The following PALS1 variants were observed in gnomAD, a reference collection of about 807,000 sequenced individuals.
PALS1 encodes protein PALS1.
A neutral mutation model predicts 78.9 loss-of-function variants in PALS1; 31 were observed. That is an observed-to-expected ratio of 0.39 (90% CI 0.30 to 0.53). The LOEUF (loss-of-function observed/expected upper bound fraction) is 0.53, where lower values mean the gene tolerates loss of function less well. Among genes scored for constraint, PALS1 ranks in the 20% least tolerant of loss-of-function variants. PALS1 has a pLI of 0.67. For missense variants in PALS1, 704 were observed against 826.5 expected (o/e 0.85, Z 1.82); for synonymous variants, 276 against 270.9 (o/e 1.02, Z -0.18).
chr14:67,301,997 T>C lies in PALS1; in HGVS notation c.680T>C (p.Val227Ala). 6.2e-7 allele frequency: 1 copy of C among 1,606,738 alleles called. No homozygotes were observed. Reference protein sequence around the residue: ...IQALLLAHDKVAEQEMQLEPI... With the variant: ...IQALLLAHDKAAEQEMQLEPI... ...GCACTTTTACTGGCCCACGATAAGG[T>C]TGCTGAGCAGGAAATGCAGCTAGAG... Residue 227 changes from valine to alanine, a missense_variant, in exon 6 of 15, where the codon GTT becomes GCT. By Grantham distance (64) the Val-to-Ala change is moderately conservative (BLOSUM62 0). Coordinates refer to ENST00000261681, the MANE Select transcript of PALS1 (RefSeq NM_022474.4).
At chr14:67,254,130 G>T (rs1595562213) in intron 1 of PALS1, 3 of 136,836 alleles carry the variant, frequency 2.2e-5, no homozygotes, top group East Asian at 4.4e-4. Context: ...CACTGTATTG[G>T]TTTTTTATTT....
At chr14:67,262,010 C>T (rs1046849799) in intron 1 of PALS1, among the ~76,000 whole-genome samples, 4 of 152,098 alleles carry the variant, frequency 2.6e-5, no homozygotes, top group Admixed American at 6.6e-5. Context: ...GTAACTAACA[C>T]AGCACTGTGG....
intron 14 of PALS1, among the ~76,000 whole-genome samples, chr14:67,327,606 A>G (rs1458492782): frequency 1.3e-5 from 2 of 152,092 alleles, no homozygotes; most frequent in Non-Finnish European, 1.5e-5. Flanking sequence ...CGTCATTTAC[A>G]TTAGGTATAT....
At chr14:67,297,135 A>G (rs1305650612) in intron 4 of PALS1, among the ~76,000 whole-genome samples, 1 of 152,228 alleles carries the variant, frequency 6.6e-6, no homozygotes, top group South Asian at 2.1e-4. Flanking sequence ...CCAGAAACCA[A>G]TAGCATCTTC....
intron 1 of PALS1, among the ~76,000 whole-genome samples, chr14:67,255,622 A>G (rs1343501353): frequency 6.6e-6 from 1 of 152,184 alleles, no homozygotes; most frequent in African/African-American, 2.4e-5. Context: ...GAGAGATAAC[A>G]CTTCGATTAC....
intron 1 of PALS1, among the ~76,000 whole-genome samples, chr14:67,269,097 A>G (rs1214700227): frequency 6.6e-6 from 1 of 152,134 alleles, no homozygotes; most frequent in East Asian, 1.9e-4. Context: ...CCTCTTCTGG[A>G]TATTTCATAA....
intron 14 of PALS1, among the ~76,000 whole-genome samples, chr14:67,326,361 G>A (rs981409659): frequency 1.4e-5 from 2 of 147,446 alleles, no homozygotes; most frequent in Non-Finnish European, 3.0e-5. Flanking sequence ...ATAGGCATGT[G>A]CCACAGGTCC....
At chr14:67,308,508 GT>G (rs1420311778) in intron 8 of PALS1, among the ~76,000 whole-genome samples, 3 of 147,770 alleles carry the variant, frequency 2.0e-5, no homozygotes, top group African/African-American at 7.5e-5. Context: ...TAGATCCTGA[GT>G]TTTAGATCAG....
At chr14:67,248,768 T>TA (rs1292401210) in intron 1 of PALS1, among the ~76,000 whole-genome samples, 14 of 152,200 alleles carry the variant, frequency 9.2e-5, no homozygotes, top group Admixed American at 1.3e-4. Context: ...ACTTTACTTA[T>TA]AAAAATAAGG....
intron 14 of PALS1, among the ~76,000 whole-genome samples, chr14:67,324,348 A>G (rs1006336067): frequency 5.9e-5 from 9 of 152,196 alleles, no homozygotes. Context: ...ATAAGACAGC[A>G]TTGACTTTTT....
At chr14:67,322,549 CTA>C (rs1485194106) in intron 13 of PALS1, among the ~76,000 whole-genome samples, 1 of 152,120 alleles carries the variant, frequency 6.6e-6, no homozygotes, top group Non-Finnish European at 1.5e-5. Context: ...AGAATTGACT[CTA>C]AAATGGCTAT....
At chr14:67,290,774 GT>G (rs1450096329) in intron 3 of PALS1, among the ~76,000 whole-genome samples, 10 of 151,986 alleles carry the variant, frequency 6.6e-5, no homozygotes, top group African/African-American at 2.4e-4. Flanking sequence ...GACTCAAGCA[GT>G]CCACCTGCTT....
At chr14:67,323,959 A>G (rs2085309197) in intron 14 of PALS1, 147 bp downstream of exon 14, 4 of 538,250 alleles carry the variant, frequency 7.4e-6, no homozygotes, top group South Asian at 5.3e-5. Flanking sequence ...AAAAATTGCC[A>G]TGGTTGCCAC....
chr14:67,305,933 G>A (rs983240581), intron 8 of PALS1, among the ~76,000 whole-genome samples: 30 of 152,144 alleles, frequency 2.0e-4, no homozygotes, highest in African/African-American at 6.0e-4. Flanking sequence ...AAGAAAGTGG[G>A]AGAAAGAGCA....
At chr14:67,299,222 T>A (rs187017712) in intron 4 of PALS1, among the ~76,000 whole-genome samples, 72 of 152,324 alleles carry the variant, frequency 4.7e-4, no homozygotes, top group South Asian at 4.1e-3. Context: ...TCCGGTTAGA[T>A]CTTATTTCCA....
At chr14:67,317,325 G>T (rs1350013412) in intron 10 of PALS1, 83 bp from the exon 11 acceptor site, 5 of 1,207,648 alleles carry the variant, frequency 4.1e-6, no homozygotes, top group Non-Finnish European at 5.9e-6. Flanking sequence ...ATAAATGAAT[G>T]AATAAATAGA....
chr14:67,292,656 A>G lies in PALS1; in HGVS notation c.513A>G (p.Val171=). 6.2e-7 allele frequency: 1 copy of G among 1,613,806 alleles called. No homozygotes were observed. The highest frequency in any genetic ancestry group is 1.3e-5 in the African/African-American group (1 of 75,034). The change falls in exon 4 of 15, where the codon GTA becomes GTG. Residue 171 remains valine, a synonymous_variant. Coordinates refer to ENST00000261681, the MANE Select transcript of PALS1 (RefSeq NM_022474.4). ...NAFKIHNAIT[V]HMNKASPPFP... is the part of the protein sequence containing the mutation. ...TTAAGATACACAATGCCATCACAGT[A>G]CACATGAACAAGGCCAGTCCTCCAT... is the stretch of plus-strand genomic sequence containing the variant.
Position 67,317,451 on chromosome 14 carries a change from G to A in PALS1, c.1341G>A (p.Lys447=). The A allele has an allele frequency of 6.2e-7, 1 of 1,611,480 alleles. No individual in the cohort carries two copies. Among genetic ancestry groups the A allele is most frequent in the Non-Finnish European group, 8.5e-7 (1 of 1,178,348 alleles). ...AGAAGAATAAAAAGAAGAGGAAAAA[G>A]GTTTTATATAATGCCAATAAAAATG... The part of the protein sequence containing the change: ...CAKKNKKKRK[K]VLYNANKNDD... The change falls in exon 11 of 15, where the codon AAG becomes AAA. Residue 447 remains lysine (K), a synonymous_variant. Coordinates refer to ENST00000261681, the MANE Select transcript of PALS1 (RefSeq NM_022474.4).
chr14:67,324,940 T>A (rs2085328006), intron 14 of PALS1, among the ~76,000 whole-genome samples: 1 of 138,916 alleles, frequency 7.2e-6, no homozygotes, highest in African/African-American at 2.8e-5. Flanking sequence ...AGTCTTGCTC[T>A]GTCACCCAGG....
Sources: gnomAD v4.1 joint callset for allele counts (sites outside exome capture counted in the v4.1 genomes callset) on GRCh38, gnomAD v4.1.1 for gene constraint, MANE v1.5 for transcripts, NCBI Gene and HGNC (gene_info 2026-07-23, HGNC 2026-07-21) for gene names.